Variants in POU6F1 observed in about 807,000 individuals in gnomAD.
POU6F1 encodes POU domain, class 6, transcription factor 1.
Under a neutral mutation model 28.9 loss-of-function variants are expected in POU6F1, and 9 were observed. That is an observed-to-expected ratio of 0.31 (90% confidence interval 0.19 to 0.54). The LOEUF (loss-of-function observed/expected upper bound fraction) is 0.54. Among genes scored for constraint, POU6F1 ranks in the 20% least tolerant of loss-of-function variants. POU6F1 has a pLI of 0.94. For missense variants in POU6F1, 338 were observed against 426.1 expected (o/e 0.79, Z 1.82); for synonymous variants, 173 against 171.1 (o/e 1.01, Z -0.09).
chr12:51,213,083 C>T (rs1236698107), intron 1 of POU6F1, among the ~76,000 whole-genome samples: 6 of 152,002 alleles, frequency 3.9e-5, no homozygotes, highest in Non-Finnish European at 7.4e-5. Context: ...ACTACAGGTG[C>T]GCATCACCGC....
At chr12:51,215,231 A>G (rs562831708) in intron 1 of POU6F1, among the ~76,000 whole-genome samples, 4 of 151,958 alleles carry the variant, frequency 2.6e-5, no homozygotes, top group Admixed American at 6.6e-5. Context: ...CTCCATTTCC[A>G]GTACTGGGGC....
intron 1 of POU6F1, among the ~76,000 whole-genome samples, chr12:51,214,785 C>G (rs2137243538): frequency 6.6e-6 from 1 of 151,908 alleles, no homozygotes; most frequent in South Asian, 2.1e-4. Flanking sequence ...CAAAACATAA[C>G]AAACCCAAAC....
chr12:51,201,602 T>C (rs1033339272), intron 3 of POU6F1: 6 of 151,730 alleles, frequency 4.0e-5, no homozygotes, highest in Non-Finnish European at 8.8e-5. Context: ...AAAAACATTT[T>C]GTTGGACAAA....
In POU6F1 at chr12:51,187,359, C is replaced by T. The variant is rs556452251; in HGVS notation, c.*2888G>A. The stretch of plus-strand genomic sequence containing the variant: ...TTCTCCTCTCTTTCCATAGTAAAGA[C>T]GACACTAAGCTCTGGTGTAAGTCCA... On this transcript the variant is annotated 3_prime_UTR_variant, in exon 11 of 11. Transcript: ENST00000333640. The T allele has an allele frequency of 1.4e-4, 22 of 152,304 alleles. No individual in the cohort carries two copies. The highest frequency in any genetic ancestry group is 6.2e-4 in the South Asian group (3 of 4,826). The allele number at this position is 152,304 out of a possible 1,614,324, so 9.4% of individuals were successfully genotyped here. A position where few individuals can be genotyped will look rare whatever the true frequency, so the allele number is the denominator to read the frequency against.
rs1413457972 is a variant in POU6F1, at chr12:51,217,376, C to A, written c.-48+266G>T. 3.3e-5 allele frequency among the ~76,000 whole-genome samples: 5 copies of A among 151,954 alleles called. No homozygotes were observed. The highest frequency in any genetic ancestry group is 4.8e-5 in the African/African-American group (2 of 41,380). ...GGCGGCCGCCCCCTCCGCTCCAGGT[C>A]CAGAGCGGCCCGCGGGCGGGCGAGG... is the stretch of plus-strand genomic sequence containing the variant. On this transcript the variant is annotated intron_variant, in intron 1 of 10. Coordinates refer to ENST00000333640, the MANE Select transcript of POU6F1 (RefSeq NM_001330422.2). This position sits in a 1 kb window ranked among gnomAD's most constrained non-coding sequence, Gnocchi z 5.3.
intron 3 of POU6F1, among the ~76,000 whole-genome samples, chr12:51,203,125 A>G (rs1943338299): frequency 6.6e-6 from 1 of 152,158 alleles, no homozygotes. Flanking sequence ...AACCCCTGGA[A>G]GAAGATGCAC....
In POU6F1 at chr12:51,217,507, T is replaced by A. The variant is rs1237298827; in HGVS notation, c.-48+135A>T. ...CATCCCGCCGCCCCGGCCCCGCGGC[T>A]TTTTTTCTCTTTATCATAAATATAT... On this transcript the variant is annotated intron_variant, in intron 1 of 10. Coordinates refer to ENST00000333640, the MANE Select transcript of POU6F1 (RefSeq NM_001330422.2). This position sits in a 1 kb window ranked among gnomAD's most constrained non-coding sequence, Gnocchi z 5.3. 2 of 152,116 alleles carry A rather than the reference T, an allele frequency of 1.3e-5. No individual in the cohort carries two copies. Among genetic ancestry groups the A allele is most frequent in the South Asian group, 1.8e-4 (1 of 5,546 alleles). The allele number at this position is 152,116 out of a possible 1,614,324, so 9.4% of individuals were successfully genotyped here.
rs1256466580 is a variant in POU6F1 at position 51,186,974 on chromosome 12, T to G, written c.*3273A>C. ...ATACTGTTTATTCCACACAACTACATCAAGCGCTTCTTCCCCATTCTCCTC... is the reference window on the plus strand; with the variant it reads ...ATACTGTTTATTCCACACAACTACAGCAAGCGCTTCTTCCCCATTCTCCTC... On this transcript the variant is annotated 3_prime_UTR_variant, in exon 11 of 11. Transcript: ENST00000333640. 1 of 152,232 alleles carries G rather than the reference T, an allele frequency of 6.6e-6. No homozygotes were observed. 9.4% of individuals were successfully genotyped at this position (152,232 alleles called of 1,614,324 possible).
rs1425677801 is a variant in POU6F1, at chr12:51,187,959, A to G, written c.*2288T>C. 3 of 151,950 alleles carry G rather than the reference A, an allele frequency of 2.0e-5. No homozygotes were observed. Among genetic ancestry groups the G allele is most frequent in the Non-Finnish European group, 4.4e-5 (3 of 68,028 alleles). The allele number at this position is 151,950 out of a possible 1,614,324, so 9.4% of individuals were successfully genotyped here. A position where few individuals can be genotyped will look rare whatever the true frequency, so the allele number is the denominator to read the frequency against. On this transcript the variant is annotated 3_prime_UTR_variant, in exon 11 of 11. Transcript: ENST00000333640. ...ATAAGTTTTTGTTTGTTTGAGACCG[A>G]GTCTTGCTCTGTCACCCAGGCTGGA... is the stretch of plus-strand genomic sequence containing the variant.
chr12:51,207,777 G>A (rs763814122), intron 1 of POU6F1: 3 of 152,206 alleles, frequency 2.0e-5, no homozygotes, highest in Non-Finnish European at 2.9e-5. Context: ...TACTCTCAGA[G>A]AGTCTGATTC....
At position 51,193,521 on chromosome 12, in the gene POU6F1, A is replaced by G. The variant is rs569689459; in HGVS notation, c.1180-1050T>C. Among the ~76,000 whole-genome samples, 4 of 152,260 alleles carry G rather than the reference A, an allele frequency of 2.6e-5. No homozygotes were observed. The South Asian group carries it at 8.3e-4, about 32-fold the overall frequency. On this transcript the variant is annotated intron_variant, in intron 8 of 10. Coordinates refer to ENST00000333640, the MANE Select transcript of POU6F1 (RefSeq NM_001330422.2). ...AACACGGGAGGCAGAGATTGCAGTA[A>G]GCCGAGAGATCATGCCACTGCACTT... is the stretch of plus-strand genomic sequence containing the variant.
chr12:51,212,062 G>GGTTTT (rs778780731), intron 1 of POU6F1, among the ~76,000 whole-genome samples: 1 of 138,642 alleles, frequency 7.2e-6, no homozygotes, highest in African/African-American at 2.5e-5. Context: ...CTTGCCTTTC[G>GGTTTT]TTTTTTTTTT....
chr12:51,192,614 A>G (rs984822764), intron 8 of POU6F1, 143 bp from the exon 9 acceptor site: 40 of 1,122,538 alleles, frequency 3.6e-5, no homozygotes, highest in South Asian at 4.8e-5. Flanking sequence ...CTATCATAAA[A>G]CAAGACTAGG....
In POU6F1 at chr12:51,200,985, G is replaced by A. The variant is rs116336511; in HGVS notation, c.245-1117C>T. Among the ~76,000 whole-genome samples, 729 of 152,244 alleles carry A rather than the reference G, an allele frequency of 4.8e-3. 4 individuals are homozygous for A. Among genetic ancestry groups the A allele is most frequent in the African/African-American group, 0.017 (690 of 41,548 alleles). ...TGGGATTACAGGCATGAGTCACCGC[G>A]CCTGGCCAGATCAATGGCTTCTTAA... On this transcript the variant is annotated intron_variant, in intron 3 of 10. Transcript: ENST00000333640.
Position 51,190,032 on chromosome 12 carries a change from C to T in POU6F1, c.*215G>A, listed in dbSNP as rs1942283609. ...TTCTTCGGAGTGACCAGCCCAGAGC[C>T]TGGAGCTCTCGTGTGGCCCCCTCTG... On this transcript the variant is annotated 3_prime_UTR_variant, in exon 11 of 11. Coordinates refer to ENST00000333640, the MANE Select transcript of POU6F1 (RefSeq NM_001330422.2). The surrounding 1 kb of genome is among the most constrained non-coding windows in gnomAD (Gnocchi z 4.5). 3.7e-6 allele frequency: 3 copies of T among 810,084 alleles called. No homozygotes were observed. Among genetic ancestry groups the T allele is most frequent in the Admixed American group, 3.0e-5 (1 of 33,390 alleles). The allele number at this position is 810,084 out of a possible 1,614,324, so 50.2% of individuals were successfully genotyped here.
Position 51,187,808 on chromosome 12 carries a change from T to C in POU6F1, c.*2439A>G, listed in dbSNP as rs890374440. On this transcript the variant is annotated 3_prime_UTR_variant, in exon 11 of 11. Coordinates refer to ENST00000333640, the MANE Select transcript of POU6F1 (RefSeq NM_001330422.2). ...AGGACAGATGGTGTTCCCCTGCACG[T>C]CCACCACCACAGACACACCCTGGAT... The C allele has an allele frequency of 5.9e-5, 9 of 152,310 alleles. No individual in the cohort carries two copies. The highest frequency in any genetic ancestry group is 3.9e-4 in the Admixed American group (6 of 15,296). 9.4% of individuals were successfully genotyped at this position (152,310 alleles called of 1,614,324 possible).
chr12:51,197,397 A>G (rs1219196584), intron 6 of POU6F1, among the ~76,000 whole-genome samples: 2 of 152,128 alleles, frequency 1.3e-5, no homozygotes, highest in East Asian at 3.9e-4. Context: ...GTCATATCTA[A>G]CGCCTCCCAC....
At position 51,190,109 on chromosome 12, in the gene POU6F1, T is replaced by G; in HGVS notation, c.*138A>C. 1 of 1,383,766 alleles carries G rather than the reference T, an allele frequency of 7.2e-7. No individual in the cohort carries two copies. 85.7% of individuals were successfully genotyped at this position (1,383,766 alleles called of 1,614,324 possible). A position where few individuals can be genotyped will look rare whatever the true frequency, so the allele number is the denominator to read the frequency against. On this transcript the variant is annotated 3_prime_UTR_variant, in exon 11 of 11. Transcript: ENST00000333640. The surrounding 1 kb of genome is among the most constrained non-coding windows in gnomAD (Gnocchi z 4.5). ...GAGAAAAGAGGGACATTGATGCACA[T>G]GCACACGGTGGAGTCTGATGACCTG...
chr12:51,199,796 G>A lies in POU6F1; in HGVS notation c.317C>T (p.Pro106Leu), dbSNP rs1273498315. The part of the protein sequence containing the change: ...IATFSQAPSQ[P>L]QASQTLTPLA... ...TGGCGTCAGGGTCTGCGATGCCTGAGGCTGGCTTGGGGCTTGGCTGAAGGT... is the reference window on the plus strand; with the variant it reads ...TGGCGTCAGGGTCTGCGATGCCTGAAGCTGGCTTGGGGCTTGGCTGAAGGT... The change falls in exon 4 of 11, where the codon CCT (proline) becomes CTT (leucine). Residue 106 changes from proline to leucine, a missense_variant. Transcript: ENST00000333640. The surrounding 1 kb of genome is among the most constrained non-coding windows in gnomAD (Gnocchi z 4.1). The A allele has an allele frequency of 1.8e-5, 7 of 399,176 alleles. No homozygotes were observed. Among genetic ancestry groups the A allele is most frequent in the Non-Finnish European group, 3.1e-5 (7 of 226,206 alleles). 24.7% of individuals were successfully genotyped at this position (399,176 alleles called of 1,614,324 possible).
Sources: gnomAD v4.1 joint callset for allele counts (sites outside exome capture counted in the v4.1 genomes callset) on GRCh38, gnomAD v4.1.1 for gene constraint, Gnocchi (gnomAD v3.1) non-coding constraint, MANE v1.5 for transcripts, NCBI Gene and HGNC (gene_info 2026-07-23, HGNC 2026-07-21) for gene names.